The following BNIP2 variants were observed in gnomAD, a reference collection of about 807,000 sequenced individuals.
BNIP2 encodes the protein BCL2 interacting protein 2.
In BNIP2, 36 loss-of-function variants were observed where a neutral mutation model predicts 43.4. That is an observed-to-expected ratio of 0.83 (90% CI 0.64 to 1.10). BNIP2 has a LOEUF of 1.10. BNIP2 is among the 50% of genes least tolerant of loss of function. The pLI is 0.00. For synonymous variants in BNIP2, 146 were observed against 121.0 expected (o/e 1.21, Z -1.35); for missense variants, 417 against 374.1 (o/e 1.11, Z -0.95).
At chr15:59,676,738 G>A (rs2142005723) in intron 5 of BNIP2, 3 of 1,289,368 alleles carry the variant, frequency 2.3e-6, no homozygotes, top group Non-Finnish European at 3.2e-6. Context: ...TGCGGTGCGG[G>A]CGGCAGAGTT....
rs1892731519 is a variant in BNIP2 at position 59,668,929 on chromosome 15, G to A, written c.856C>T (p.Pro286Ser). ...TCTGGTATGCCAACGTATTCCATGGGGACAAGTTCTGCTAGTTCTGCCAAA... is the reference window on the plus strand; with the variant it reads ...TCTGGTATGCCAACGTATTCCATGGAGACAAGTTCTGCTAGTTCTGCCAAA... ...FNLAELAELV[P>S]MEYVGIPECI... is the part of the protein sequence containing the mutation. The change falls in exon 9 of 10, where the codon CCC becomes TCC. Residue 286 changes from proline (P) to serine (S), a missense_variant. Coordinates refer to ENST00000607373, the MANE Select transcript of BNIP2 (RefSeq NM_004330.4). 1.2e-6 allele frequency: 2 copies of A among 1,613,576 alleles called. No individual in the cohort carries two copies. Among genetic ancestry groups the A allele is most frequent in the East Asian group, 2.2e-5 (1 of 44,828 alleles).
chr15:59,688,996 G>A, intron 1 of BNIP2, 139 bp downstream of exon 1: 1 of 1,443,180 alleles, frequency 6.9e-7, no homozygotes, highest in Non-Finnish European at 9.0e-7. Context: ...AGGTTCTATG[G>A]CTCCCCCTAC....
chr15:59,678,942 CAG>C (rs1893481486), intron 4 of BNIP2: 2 of 1,089,870 alleles, frequency 1.8e-6, no homozygotes, highest in East Asian at 1.4e-4. Context: ...ACCAGTAAAA[CAG>C]GGAAGAAAAA....
chr15:59,674,695 G>T (rs886880770), intron 5 of BNIP2, among the ~76,000 whole-genome samples: 3 of 152,268 alleles, frequency 2.0e-5, no homozygotes, highest in African/African-American at 7.2e-5. Context: ...CCTCCGTCCT[G>T]TGTTAGGAGG....
At position 59,676,888 on chromosome 15, in the gene BNIP2, C is replaced by A. The variant is rs149085361; in HGVS notation, c.472+1023G>T. 5 of 1,599,026 alleles carry A rather than the reference C, an allele frequency of 3.1e-6. No individual in the cohort carries two copies. In the African/African-American group the frequency reaches 5.4e-5, roughly 17 times the overall value. ...TCTCGCTGCGTTCGCTCACCGCTGT[C>A]ACCTGCACGGTGTGGCTGGCAGCCT... On this transcript the variant is annotated intron_variant, in intron 5 of 9. Coordinates refer to ENST00000607373, the MANE Select transcript of BNIP2 (RefSeq NM_004330.4).
At chr15:59,678,401 T>A in intron 4 of BNIP2, 1 of 1,081,938 alleles carries the variant, frequency 9.2e-7, no homozygotes, top group Non-Finnish European at 1.1e-6. Flanking sequence ...GGCCTTACAA[T>A]GCCTTTCCAG....
intron 1 of BNIP2, among the ~76,000 whole-genome samples, chr15:59,688,284 A>G (rs1440563046): frequency 2.0e-5 from 3 of 152,226 alleles, no homozygotes; most frequent in African/African-American, 7.2e-5. Flanking sequence ...CAAATTACAG[A>G]ATTTGTTTCT....
intron 4 of BNIP2, chr15:59,678,381 T>G: frequency 9.0e-7 from 1 of 1,115,274 alleles, no homozygotes; most frequent in Non-Finnish European, 1.1e-6. Context: ...CATCAAAATC[T>G]TAGTACACTG....
chr15:59,688,774 G>T (rs1425009893), intron 1 of BNIP2: 4 of 1,535,150 alleles, frequency 2.6e-6, no homozygotes, highest in Non-Finnish European at 2.6e-6. Flanking sequence ...ACGGACGCTG[G>T]TCATAAATAC....
chr15:59,664,176 TA>T, intron 9 of BNIP2, 56 bp from the exon 10 acceptor site: 1 of 1,188,924 alleles, frequency 8.4e-7, no homozygotes, highest in Non-Finnish European at 1.2e-6. Flanking sequence ...ATTTTCTTTC[TA>T]AAAATAATGA....
intron 2 of BNIP2, among the ~76,000 whole-genome samples, chr15:59,681,041 T>G (rs1466599819): frequency 2.6e-5 from 4 of 152,226 alleles, no homozygotes; most frequent in Admixed American, 1.3e-4. Flanking sequence ...CAAATATGAC[T>G]GAAATGCACA....
intron 9 of BNIP2, among the ~76,000 whole-genome samples, chr15:59,666,612 A>G (rs6151574): frequency 0.31 from 47,177 of 152,118 alleles, 8,409 homozygotes; most frequent in East Asian, 0.58. Flanking sequence ...GATTGCAGTT[A>G]GCTGAGACTG....
At chr15:59,670,731 C>T (rs1349458228) in intron 7 of BNIP2, among the ~76,000 whole-genome samples, 1 of 152,120 alleles carries the variant, frequency 6.6e-6, no homozygotes, top group East Asian at 1.9e-4. Flanking sequence ...AAACAGAAAC[C>T]TGCCATGAAA....
intron 5 of BNIP2, chr15:59,676,924 C>A: frequency 6.2e-7 from 1 of 1,608,660 alleles, no homozygotes; most frequent in Non-Finnish European, 8.5e-7. Context: ...ACGGACTCTT[C>A]ACCCTCTGCG....
At chr15:59,685,469 A>C (rs6151459) in intron 1 of BNIP2, among the ~76,000 whole-genome samples, 50,259 of 152,106 alleles carry the variant, frequency 0.33, 8,651 homozygotes, top group East Asian at 0.54. Flanking sequence ...CCACTGCACT[A>C]CAGCCTGGGT....
At chr15:59,678,722 C>T (rs1893466057) in intron 4 of BNIP2, 3 of 1,228,150 alleles carry the variant, frequency 2.4e-6, no homozygotes, top group African/African-American at 1.6e-5. Flanking sequence ...TAATAATTTT[C>T]AAAATTTCAG....
At chr15:59,681,554 T>C (rs977165656) in intron 2 of BNIP2, among the ~76,000 whole-genome samples, 22 of 151,984 alleles carry the variant, frequency 1.4e-4, no homozygotes, top group Non-Finnish European at 2.5e-4. Context: ...GTTCAGGTGA[T>C]TCTTGTGCCT....
At chr15:59,679,431 T>C in intron 4 of BNIP2, 161 bp downstream of exon 4, 1 of 723,314 alleles carries the variant, frequency 1.4e-6, no homozygotes, top group Non-Finnish European at 2.1e-6. Flanking sequence ...AAGCCACTGG[T>C]GTACTCTATA....
At chr15:59,683,130 T>C (rs1383176743) in intron 1 of BNIP2, among the ~76,000 whole-genome samples, 2 of 152,258 alleles carry the variant, frequency 1.3e-5, no homozygotes, top group Non-Finnish European at 2.9e-5. Context: ...GCATATGTTT[T>C]CAAACACTGA....
Sources: allele counts gnomAD v4.1 joint callset (sites outside exome capture counted in the v4.1 genomes callset), GRCh38; gene constraint gnomAD v4.1.1; transcripts MANE v1.5; gene names NCBI Gene and HGNC (gene_info 2026-07-23, HGNC 2026-07-21).